Variants in CSMD1 observed in about 807,000 individuals in gnomAD.
CSMD1 encodes the protein CUB and sushi domain-containing protein 1.
Under a neutral mutation model 417.5 loss-of-function variants are expected in CSMD1, and 213 were observed. The observed-to-expected ratio is 0.51, with a 90% CI of 0.46 to 0.57. The LOEUF (loss-of-function observed/expected upper bound fraction) is 0.57, where lower values mean the gene tolerates loss of function less well. Among genes scored for constraint, CSMD1 ranks in the 20% least tolerant of loss-of-function variants. CSMD1 has a pLI of 0.00. For synonymous variants in CSMD1, 2,862 were observed against 1,736.8 expected, an observed-to-expected ratio of 1.65 and a Z score of -16.11; for missense variants, 6,923 against 4,529.7, an observed-to-expected ratio of 1.53 and a Z score of -15.17.
intron 11 of CSMD1, among the ~76,000 whole-genome samples, chr8:3,483,752 A>G (rs1407126194): frequency 6.6e-6 from 1 of 152,208 alleles, no homozygotes; most frequent in Non-Finnish European, 1.5e-5. Flanking sequence ...AAAATATTAG[A>G]AAACTGAATG....
At chr8:3,701,712 G>C (rs765063678) in intron 7 of CSMD1, among the ~76,000 whole-genome samples, 40 of 152,078 alleles carry the variant, frequency 2.6e-4, no homozygotes, top group Non-Finnish European at 5.4e-4. Flanking sequence ...ATTTACAAAA[G>C]ACAATCCAAA....
chr8:4,516,644 C>T (rs189214120), intron 2 of CSMD1, among the ~76,000 whole-genome samples: 14 of 152,220 alleles, frequency 9.2e-5, no homozygotes, highest in Non-Finnish European at 1.5e-5. Flanking sequence ...GTTGTGTGAT[C>T]CTGCCTCTCT....
At chr8:3,562,559 T>G (rs1799516687) in intron 10 of CSMD1, among the ~76,000 whole-genome samples, 1 of 152,184 alleles carries the variant, frequency 6.6e-6, no homozygotes, top group Admixed American at 6.5e-5. Flanking sequence ...GTTCCCCACT[T>G]AAAACTCTCC....
rs961245036 is a variant in CSMD1 at position 3,472,512 on chromosome 8, A to G, written c.1449-3688T>C. On this transcript the variant is annotated intron_variant, in intron 11 of 69. Transcript: ENST00000635120. The stretch of plus-strand genomic sequence containing the variant: ...CTGACAAAACTCCAACTTGAGATCA[A>G]TCCAACCATCCACTCTCTATCTTCC... 1.1e-4 allele frequency among the ~76,000 whole-genome samples: 16 copies of G among 152,278 alleles called. No homozygotes were observed. The South Asian group carries it at 2.3e-3, about 22-fold the overall frequency.
intron 1 of CSMD1, among the ~76,000 whole-genome samples, chr8:4,925,056 T>C (rs1006585227): frequency 2.0e-5 from 3 of 152,054 alleles, no homozygotes; most frequent in Non-Finnish European, 2.9e-5. Flanking sequence ...ATACCTTAAA[T>C]AGTTTGGGTT....
rs1797243229 is a variant in CSMD1 at position 4,538,920 on chromosome 8, C to T, written c.302+98422G>A. On this transcript the variant is annotated intron_variant, in intron 2 of 69. Transcript: ENST00000635120. ...TTATGGAATCTTTGAATCTAAAAGCCCATATTGAATGCAGAAAGCTTTATT... is the reference window on the plus strand; with the variant it reads ...TTATGGAATCTTTGAATCTAAAAGCTCATATTGAATGCAGAAAGCTTTATT... Among the ~76,000 whole-genome samples the T allele has an allele frequency of 2.0e-5, 3 of 152,046 alleles. No homozygotes were observed. The South Asian group carries it at 6.2e-4, about 32-fold the overall frequency.
intron 10 of CSMD1, among the ~76,000 whole-genome samples, chr8:3,520,801 G>A (rs1449914326): frequency 6.6e-6 from 1 of 151,966 alleles, no homozygotes; most frequent in East Asian, 1.9e-4. Flanking sequence ...CATCTGTAGA[G>A]GAAATCTCCA....
At chr8:3,763,011 G>C (rs1416299073) in intron 5 of CSMD1, among the ~76,000 whole-genome samples, 1 of 152,122 alleles carries the variant, frequency 6.6e-6, no homozygotes, top group Non-Finnish European at 1.5e-5. Flanking sequence ...CGGACACTTG[G>C]TGATTTGTAT....
intron 1 of CSMD1, among the ~76,000 whole-genome samples, chr8:4,738,971 C>T (rs985722439): frequency 1.3e-5 from 2 of 150,058 alleles, no homozygotes; most frequent in African/African-American, 4.9e-5. Context: ...GAATAATATA[C>T]CTTCTCTTGG....
intron 16 of CSMD1, among the ~76,000 whole-genome samples, chr8:3,397,578 C>G (rs1811779621): frequency 6.6e-6 from 1 of 152,174 alleles, no homozygotes; most frequent in African/African-American, 2.4e-5. Flanking sequence ...TTGCATAGTG[C>G]CAACTTTGTC....
chr8:3,529,462 T>C (rs1457929012), intron 10 of CSMD1, among the ~76,000 whole-genome samples: 1 of 152,134 alleles, frequency 6.6e-6, no homozygotes, highest in Non-Finnish European at 1.5e-5. Flanking sequence ...AATCATAAAT[T>C]TGGGTTAAAG....
In CSMD1 at chr8:4,143,634, C is replaced by T. The variant is rs550284068; in HGVS notation, c.416-111535G>A. 3.6e-4 allele frequency among the ~76,000 whole-genome samples: 55 copies of T among 150,930 alleles called. 4 individuals are homozygous for T. Among genetic ancestry groups the T allele is most frequent in the African/African-American group, 1.0e-3 (41 of 40,294 alleles). ...GGCACTCTGAGGGTACACCTGATAC[C>T]GGAAGGAGAGCATTGACTGTGAGTT... On this transcript the variant is annotated intron_variant, in intron 3 of 69. Transcript: ENST00000635120.
At chr8:4,366,320 C>T (rs946000949) in intron 3 of CSMD1, among the ~76,000 whole-genome samples, 1 of 152,040 alleles carries the variant, frequency 6.6e-6, no homozygotes, top group Non-Finnish European at 1.5e-5. Flanking sequence ...TTTCTTTAGC[C>T]AGTTCACCAT....
intron 2 of CSMD1, among the ~76,000 whole-genome samples, chr8:4,451,434 G>C (rs943482991): frequency 7.2e-5 from 11 of 152,092 alleles, no homozygotes; most frequent in African/African-American, 2.7e-4. Context: ...TGAAAAAGTG[G>C]TCAGAAAAGC....
At chr8:3,709,681 T>A (rs77851270) in intron 6 of CSMD1, among the ~76,000 whole-genome samples, 1 of 72,286 alleles carries the variant, frequency 1.4e-5, no homozygotes. Context: ...CAGCAGCATG[T>A]TTTTTTTTTT....
Position 4,292,710 on chromosome 8 carries a change from T to C in CSMD1, c.415+127243A>G, listed in dbSNP as rs193011993. 1.5e-3 allele frequency among the ~76,000 whole-genome samples: 227 copies of C among 152,332 alleles called. 1 individual carries two copies. The highest frequency in any genetic ancestry group is 7.7e-3 in the East Asian group (40 of 5,186). On this transcript the variant is annotated intron_variant, in intron 3 of 69. Transcript: ENST00000635120. ...AAAATGATTCAGTTTATTTTTTCTA[T>C]GTTATAGTCTTAATATTAGGCCTCT...
chr8:3,914,202 T>A (rs1808649775), intron 5 of CSMD1, among the ~76,000 whole-genome samples: 1 of 151,972 alleles, frequency 6.6e-6, no homozygotes, highest in Non-Finnish European at 1.5e-5. Context: ...CAAAAAGAGG[T>A]AAGTAACTTG....
chr8:4,335,422 C>A (rs1020551001), intron 3 of CSMD1, among the ~76,000 whole-genome samples: 1 of 152,096 alleles, frequency 6.6e-6, no homozygotes, highest in African/African-American at 2.4e-5. Context: ...TTCTGAAACA[C>A]ACCAGAAACT....
chr8:4,157,434 T>C (rs1796895579), intron 3 of CSMD1, among the ~76,000 whole-genome samples: 1 of 152,154 alleles, frequency 6.6e-6, no homozygotes, highest in African/African-American at 2.4e-5. Context: ...TCTTTCTCTA[T>C]TTTCCCCTAC....
Sources: gnomAD v4.1 joint callset for allele counts (sites outside exome capture counted in the v4.1 genomes callset) on GRCh38, gnomAD v4.1.1 for gene constraint, MANE v1.5 for transcripts, NCBI Gene and HGNC (gene_info 2026-07-23, HGNC 2026-07-21) for gene names.